RFWD3: variants seen among roughly 807,000 people sequenced by gnomAD.
RFWD3 encodes E3 ubiquitin-protein ligase RFWD3.
Under a neutral mutation model 87.7 loss-of-function variants are expected in RFWD3, and 65 were observed. The observed-to-expected ratio is 0.74, with a 90% CI of 0.61 to 0.91. RFWD3 has a LOEUF of 0.91. RFWD3 is among the 40% of genes least tolerant of loss of function. The pLI is 0.00. For synonymous variants in RFWD3, 433 were observed against 352.8 expected (o/e 1.23, Z -2.55); for missense variants, 1,078 against 938.5 (o/e 1.15, Z -1.94).
intron 11 of RFWD3, 137 bp from the exon 12 acceptor site, chr16:74,626,691 A>G (rs990679742): frequency 9.3e-6 from 6 of 645,438 alleles, no homozygotes; most frequent in Non-Finnish European, 1.6e-5. Flanking sequence ...ACAGTTACAA[A>G]ACAAATGAAA....
intron 8 of RFWD3, among the ~76,000 whole-genome samples, chr16:74,632,915 C>T (rs1246355111): frequency 6.6e-6 from 1 of 152,150 alleles, no homozygotes; most frequent in Non-Finnish European, 1.5e-5. Context: ...GATCTGCTCG[C>T]CTCAGCCTCC....
At chr16:74,649,682 A>T (rs1960425031) in intron 3 of RFWD3, among the ~76,000 whole-genome samples, 1 of 152,228 alleles carries the variant, frequency 6.6e-6, no homozygotes, top group Non-Finnish European at 1.5e-5. Context: ...CATCCAGTTC[A>T]TATTCAAAAT....
chr16:74,623,669 A>AAT lies in RFWD3; in HGVS notation c.*257_*258dup, dbSNP rs1416001449. On this transcript the variant is annotated 3_prime_UTR_variant, in exon 13 of 13. Coordinates refer to ENST00000361070, the MANE Select transcript of RFWD3 (RefSeq NM_018124.4). ...AAAATAAGAATTTCCAACATACAAT[A>AAT]ATGGTTAATGAAGGCTTTAAACCCA... 2.8e-6 allele frequency: 1 copy of AAT among 355,802 alleles called. No individual in the cohort carries two copies. Among genetic ancestry groups the AAT allele is most frequent in the Non-Finnish European group, 5.0e-6 (1 of 198,378 alleles). The allele number at this position is 355,802 out of a possible 1,614,324, so 22.0% of individuals were successfully genotyped here. A position where few individuals can be genotyped will look rare whatever the true frequency, so the allele number is the denominator to read the frequency against.
chr16:74,634,379 TA>T (rs1371045730), intron 8 of RFWD3, among the ~76,000 whole-genome samples: 2 of 23,340 alleles, frequency 8.6e-5, no homozygotes, highest in African/African-American at 1.4e-3. Context: ...CTAAGTACTT[TA>T]TATATATATA....
intron 2 of RFWD3, among the ~76,000 whole-genome samples, chr16:74,652,823 G>C (rs558672808): frequency 3.7e-4 from 56 of 152,222 alleles, no homozygotes; most frequent in Admixed American, 2.0e-3. Flanking sequence ...AGGAGTTTGA[G>C]GCCACTTTTG....
intron 2 of RFWD3, among the ~76,000 whole-genome samples, chr16:74,655,506 C>T (rs147517120): frequency 0.018 from 2,770 of 151,572 alleles, 36 homozygotes; most frequent in Non-Finnish European, 0.028. Context: ...CTCGGCCTCC[C>T]AAAGTCCTGG....
At chr16:74,653,364 C>CA (rs969558277) in intron 2 of RFWD3, among the ~76,000 whole-genome samples, 8 of 151,604 alleles carry the variant, frequency 5.3e-5, no homozygotes, top group Admixed American at 3.3e-4. Context: ...AAATGACACC[C>CA]AAAAAACTTG....
In RFWD3 at chr16:74,628,676, AAGT is replaced by A. The variant is rs767500040; in HGVS notation, c.1755-13_1755-11del. On this transcript the variant is annotated splice_polypyrimidine_tract_variant and intron_variant, in intron 10 of 12. Coordinates refer to ENST00000361070, the MANE Select transcript of RFWD3 (RefSeq NM_018124.4). Reference sequence around the variant, plus strand: ...GGAGACCAGTGGGCATCTGAAAGGAAAGTAAGGAAACTGTATCTCACACTCCAA... The same window carrying A: ...GGAGACCAGTGGGCATCTGAAAGGAAAAGGAAACTGTATCTCACACTCCAA... The A allele has an allele frequency of 1.2e-5, 19 of 1,613,728 alleles. 2 individuals are homozygous for A. Among genetic ancestry groups the A allele is most frequent in the East Asian group, 2.2e-5 (1 of 44,880 alleles).
At chr16:74,666,566 A>C (rs1380408760) in intron 1 of RFWD3, 1 of 152,112 alleles carries the variant, frequency 6.6e-6, no homozygotes, top group Non-Finnish European at 1.5e-5. Context: ...CCCAGCCCCC[A>C]CGCCCAGCAA....
At chr16:74,624,189 G>A (rs1958851413) in intron 12 of RFWD3, 118 bp from the exon 13 acceptor site, 1 of 1,232,212 alleles carries the variant, frequency 8.1e-7, no homozygotes, top group Non-Finnish European at 1.1e-6. Flanking sequence ...GGAGAGCAAA[G>A]CAGGCTGTCC....
intron 2 of RFWD3, among the ~76,000 whole-genome samples, chr16:74,655,638 G>T (rs1467129798): frequency 3.3e-5 from 5 of 149,608 alleles, no homozygotes; most frequent in Non-Finnish European, 7.4e-5. Flanking sequence ...CTTTTTTTTT[G>T]AGATGGAGTC....
chr16:74,655,067 TG>T (rs1960858310), intron 2 of RFWD3, among the ~76,000 whole-genome samples: 1 of 152,026 alleles, frequency 6.6e-6, no homozygotes, highest in Non-Finnish European at 1.5e-5. Context: ...CTAAGACAAT[TG>T]ATGAAAGTAT....
At position 74,632,570 on chromosome 16, in the gene RFWD3, T is replaced by C. The variant is rs922333404; in HGVS notation, c.1530A>G (p.Arg510=). 1.2e-6 allele frequency: 2 copies of C among 1,614,000 alleles called. No homozygotes were observed. Among genetic ancestry groups the C allele is most frequent in the African/African-American group, 2.7e-5 (2 of 74,916 alleles). The change falls in exon 9 of 13, where the codon AGA becomes AGG. Residue 510 remains arginine, a synonymous_variant. Coordinates refer to ENST00000361070, the MANE Select transcript of RFWD3 (RefSeq NM_018124.4). ...CTAGGGAAGCAGAGAGTAGCAAGCC[T>C]CTGAGGTAACTGCTAAACGCCAGTC... ...IRGLAFSSYL[R]GLLLSASLDN... is the part of the protein sequence containing the mutation.
At position 74,623,889 on chromosome 16, in the gene RFWD3, T is replaced by G. The variant is rs1002790753; in HGVS notation, c.*39A>C. 6.2e-7 allele frequency: 1 copy of G among 1,609,460 alleles called. No individual in the cohort carries two copies. The highest frequency in any genetic ancestry group is 8.5e-7 in the Non-Finnish European group (1 of 1,176,772). ...GGCTGCTAGGCGCTAGCAAACAACA[T>G]CTAACCAGCAGCATGCCTTCAAGGT... On this transcript the variant is annotated 3_prime_UTR_variant, in exon 13 of 13. Transcript: ENST00000361070.
chr16:74,630,122 G>A (rs543026648), intron 10 of RFWD3, among the ~76,000 whole-genome samples: 2 of 151,260 alleles, frequency 1.3e-5, no homozygotes, highest in Admixed American at 6.6e-5. Context: ...TTGAGATGGC[G>A]TCTCACTCTG....
rs979286749 is a variant in RFWD3, at chr16:74,652,275, G to C, written c.519-153C>G. ...GCTGAAGCAGGTATAGCAGATAAGG[G>C]GGGGAGACTGGCCTCCTAGATATTA... On this transcript the variant is annotated intron_variant, in intron 2 of 12. Transcript: ENST00000361070. Among the ~76,000 whole-genome samples, 18 of 151,814 alleles carry C rather than the reference G, an allele frequency of 1.2e-4. 1 individual carries two copies. Among genetic ancestry groups the C allele is most frequent in the Admixed American group, 1.1e-3 (17 of 15,174 alleles).
intron 1 of RFWD3, chr16:74,666,165 TAGATTAGATAGAC>T (rs1443137163): frequency 1.1e-4 from 17 of 149,768 alleles, no homozygotes; most frequent in African/African-American, 3.5e-4. Flanking sequence ...AAGACATAGA[TAGATTAGATAGAC>T]AGATTAGATA....
intron 4 of RFWD3, among the ~76,000 whole-genome samples, chr16:74,646,588 C>A (rs1475597327): frequency 1.3e-5 from 2 of 152,002 alleles, no homozygotes; most frequent in African/African-American, 4.8e-5. Flanking sequence ...GAGATCGAGA[C>A]CATCCTGGCT....
chr16:74,644,197 A>G (rs1227830269), intron 6 of RFWD3, 165 bp downstream of exon 6: 3 of 697,530 alleles, frequency 4.3e-6, no homozygotes, highest in Non-Finnish European at 5.1e-6. Context: ...ATGATCAGAC[A>G]TGAATTATAA....
Sources: allele counts gnomAD v4.1 joint callset (sites outside exome capture counted in the v4.1 genomes callset), GRCh38; gene constraint gnomAD v4.1.1; transcripts MANE v1.5; gene names NCBI Gene and HGNC (gene_info 2026-07-23, HGNC 2026-07-21).